FRMD4B: variants seen among roughly 807,000 people sequenced by gnomAD.
FRMD4B encodes the protein FERM domain containing 4B.
Under a neutral mutation model 141.5 loss-of-function variants are expected in FRMD4B, and 74 were observed. That is an observed-to-expected ratio of 0.52 (90% CI 0.43 to 0.63). The LOEUF (loss-of-function observed/expected upper bound fraction) is 0.63. FRMD4B is among the 30% of genes least tolerant of loss of function. The pLI is 0.00. For synonymous variants in FRMD4B, 506 were observed against 467.9 expected (o/e 1.08, Z -1.05); for missense variants, 1,366 against 1,253.4 (o/e 1.09, Z -1.36).
At chr3:69,410,022 A>G (rs1704726718) in intron 2 of FRMD4B, among the ~76,000 whole-genome samples, 1 of 152,172 alleles carries the variant, frequency 6.6e-6, no homozygotes, top group Admixed American at 6.5e-5. Context: ...CAGAACCCCC[A>G]GCAATGCCAA....
chr3:69,271,933 C>T (rs1000548524), intron 5 of FRMD4B, among the ~76,000 whole-genome samples: 1 of 151,930 alleles, frequency 6.6e-6, no homozygotes, highest in African/African-American at 2.4e-5. Flanking sequence ...CGAGATTGTG[C>T]CACTGCACTC....
At chr3:69,175,522 T>TA (rs1322086123) in intron 22 of FRMD4B, among the ~76,000 whole-genome samples, 2 of 152,124 alleles carry the variant, frequency 1.3e-5, no homozygotes, top group Non-Finnish European at 2.9e-5. Context: ...TAGGATCAGA[T>TA]AAAAAACGCA....
At chr3:69,189,258 A>G (rs920365212) in intron 18 of FRMD4B, among the ~76,000 whole-genome samples, 1 of 150,342 alleles carries the variant, frequency 6.7e-6, no homozygotes, top group Non-Finnish European at 1.5e-5. Context: ...AGAGAGAGAG[A>G]CAAGAAATGT....
chr3:69,521,269 G>A (rs1700849603), intron 1 of FRMD4B, among the ~76,000 whole-genome samples: 2 of 152,198 alleles, frequency 1.3e-5, no homozygotes, highest in African/African-American at 4.8e-5. Flanking sequence ...GAAATCTTCA[G>A]TGAGTCTCAC....
intron 1 of FRMD4B, among the ~76,000 whole-genome samples, chr3:69,381,387 A>AC (rs918046149): frequency 9.8e-4 from 149 of 152,138 alleles, no homozygotes; most frequent in African/African-American, 3.5e-3. Flanking sequence ...TAAAAAGAAC[A>AC]CCCCCAGGAG....
chr3:69,504,707 C>G (rs934361156), intron 1 of FRMD4B, among the ~76,000 whole-genome samples: 1 of 152,092 alleles, frequency 6.6e-6, no homozygotes, highest in African/African-American at 2.4e-5. Context: ...ATCCATTCAT[C>G]AGTAATGGAT....
intron 10 of FRMD4B, among the ~76,000 whole-genome samples, chr3:69,217,501 A>C (rs34416281): frequency 0.11 from 17,142 of 152,128 alleles, 1,087 homozygotes; most frequent in African/African-American, 0.17. Flanking sequence ...GCATGCCTGT[A>C]ATCCCAGCTA....
At chr3:69,206,860 T>G (rs2093028701) in intron 11 of FRMD4B, among the ~76,000 whole-genome samples, 1 of 152,176 alleles carries the variant, frequency 6.6e-6, no homozygotes, top group African/African-American at 2.4e-5. Context: ...TACATTTTTT[T>G]TTGGTGGAGG....
chr3:69,520,140 A>AAT (rs1156348376), intron 1 of FRMD4B, among the ~76,000 whole-genome samples: 1 of 112,948 alleles, frequency 8.9e-6, no homozygotes, highest in African/African-American at 4.2e-5. Flanking sequence ...TATATGATGG[A>AAT]ATATATATAT....
intron 5 of FRMD4B, among the ~76,000 whole-genome samples, chr3:69,281,853 T>A (rs1471264797): frequency 1.4e-5 from 2 of 144,010 alleles, no homozygotes; most frequent in Admixed American, 6.9e-5. Flanking sequence ...ATATATATAT[T>A]TTTGCTTACA....
chr3:69,292,182 A>G (rs1298641683), intron 4 of FRMD4B, among the ~76,000 whole-genome samples: 1 of 152,202 alleles, frequency 6.6e-6, no homozygotes, highest in East Asian at 1.9e-4. Context: ...GGGGCCCACC[A>G]GCCTGAGGCA....
intron 1 of FRMD4B, among the ~76,000 whole-genome samples, chr3:69,434,688 A>G (rs1267020208): frequency 6.6e-6 from 1 of 152,210 alleles, no homozygotes; most frequent in Non-Finnish European, 1.5e-5. Context: ...TAATTAAAGC[A>G]CTTGACTCCA....
intron 1 of FRMD4B, among the ~76,000 whole-genome samples, chr3:69,524,669 C>A (rs955814019): frequency 1.3e-5 from 2 of 152,274 alleles, no homozygotes; most frequent in South Asian, 4.1e-4. Flanking sequence ...TGGCTCTCCA[C>A]ACCTCCTTAA....
chr3:69,488,313 A>C (rs944575132), intron 1 of FRMD4B, among the ~76,000 whole-genome samples: 5 of 152,192 alleles, frequency 3.3e-5, no homozygotes, highest in Non-Finnish European at 7.3e-5. Flanking sequence ...AATTCACCTG[A>C]CAGCTATCAG....
chr3:69,178,235 T>A (rs2092669609), intron 21 of FRMD4B, among the ~76,000 whole-genome samples: 1 of 152,222 alleles, frequency 6.6e-6, no homozygotes, highest in Non-Finnish European at 1.5e-5. Flanking sequence ...ACAAAGTGCC[T>A]GTGATCACTA....
At chr3:69,368,556 A>G (rs1336352707) in intron 1 of FRMD4B, among the ~76,000 whole-genome samples, 1 of 152,216 alleles carries the variant, frequency 6.6e-6, no homozygotes, top group East Asian at 1.9e-4. Context: ...CTTCTTGAAC[A>G]AATGCAATTG....
rs117013773 is a variant in FRMD4B at position 69,268,804 on chromosome 3, T to C, written c.502-18705A>G. On this transcript the variant is annotated intron_variant, in intron 5 of 22. Coordinates refer to ENST00000398540, the MANE Select transcript of FRMD4B (RefSeq NM_015123.3). ...TTCATTTTCAGGATAACATCTTCCA[T>C]CTAATTGAACTGCTCATTTATTACT... Among the ~76,000 whole-genome samples the C allele has an allele frequency of 2.6e-5, 4 of 152,044 alleles. No individual in the cohort carries two copies. The East Asian group carries it at 7.7e-4, about 29-fold the overall frequency.
At chr3:69,240,395 TG>T (rs1000552097) in intron 7 of FRMD4B, among the ~76,000 whole-genome samples, 7 of 145,808 alleles carry the variant, frequency 4.8e-5, no homozygotes, top group Non-Finnish European at 9.0e-5. Flanking sequence ...GCAGGAGAAT[TG>T]CTTGAACCCG....
chr3:69,367,933 C>T (rs1316140375), intron 1 of FRMD4B, among the ~76,000 whole-genome samples: 1 of 152,166 alleles, frequency 6.6e-6, no homozygotes, highest in Admixed American at 6.5e-5. Flanking sequence ...TTTAATGCTT[C>T]TGCTTTAAAA....
Sources: gnomAD v4.1 joint callset for allele counts (sites outside exome capture counted in the v4.1 genomes callset) on GRCh38, gnomAD v4.1.1 for gene constraint, MANE v1.5 for transcripts, NCBI Gene and HGNC (gene_info 2026-07-23, HGNC 2026-07-21) for gene names.